The following HIPK3 variants were observed in gnomAD, a reference collection of about 807,000 sequenced individuals.
HIPK3 encodes homeodomain-interacting protein kinase 3.
Under a neutral mutation model 124.2 loss-of-function variants are expected in HIPK3, and 47 were observed. That is an observed-to-expected ratio of 0.38 (90% CI 0.30 to 0.48). HIPK3 has a LOEUF of 0.48. Ranked by LOEUF, HIPK3 falls within the 20% of genes least tolerant of loss-of-function variation. The pLI is 0.98. For missense variants in HIPK3, 1,286 were observed against 1,454.3 expected (o/e 0.88, Z 1.88); for synonymous variants, 482 against 515.2 (o/e 0.94, Z 0.87).
chr11:33,274,319 T>C (rs1851215453), intron 1 of HIPK3, among the ~76,000 whole-genome samples: 1 of 152,168 alleles, frequency 6.6e-6, no homozygotes, highest in Non-Finnish European at 1.5e-5. Flanking sequence ...TTTATCTTTG[T>C]CTGAAAGTTA....
intron 2 of HIPK3, among the ~76,000 whole-genome samples, chr11:33,293,937 C>T (rs1851768370): frequency 6.6e-6 from 1 of 152,056 alleles, no homozygotes; most frequent in Admixed American, 6.6e-5. Flanking sequence ...GAGGCCGAGG[C>T]AGGTGGATCG....
At chr11:33,341,451 G>T (rs1433388484) in intron 7 of HIPK3, 112 bp from the exon 8 acceptor site, 3 of 1,092,926 alleles carry the variant, frequency 2.7e-6, no homozygotes, top group Non-Finnish European at 2.5e-6. Context: ...TCATTTTCTG[G>T]ACACATTTTA....
chr11:33,304,130 G>A (rs1413347837), intron 2 of HIPK3, among the ~76,000 whole-genome samples: 3 of 152,090 alleles, frequency 2.0e-5, no homozygotes, highest in Non-Finnish European at 2.9e-5. Flanking sequence ...TAGTAGAGAC[G>A]GGGTGTCACC....
chr11:33,336,561 G>A (rs1853154992), intron 3 of HIPK3, among the ~76,000 whole-genome samples: 1 of 152,004 alleles, frequency 6.6e-6, no homozygotes, highest in Non-Finnish European at 1.5e-5. Flanking sequence ...TCAATTTCTT[G>A]CTGAAATTTT....
intron 3 of HIPK3, among the ~76,000 whole-genome samples, chr11:33,332,030 A>T (rs1420549114): frequency 6.6e-6 from 1 of 152,196 alleles, no homozygotes; most frequent in Admixed American, 6.5e-5. Flanking sequence ...AAGTGTTGCA[A>T]TAACAGGCAC....
intron 3 of HIPK3, among the ~76,000 whole-genome samples, chr11:33,335,245 C>T (rs897504521): frequency 5.3e-5 from 8 of 151,656 alleles, no homozygotes; most frequent in Non-Finnish European, 7.4e-5. Context: ...AAGATTGAGG[C>T]GCAGATTTAG....
At chr11:33,324,556 C>T (rs549213476) in intron 2 of HIPK3, among the ~76,000 whole-genome samples, 5 of 152,250 alleles carry the variant, frequency 3.3e-5, no homozygotes, top group Admixed American at 2.6e-4. Context: ...CAAGAGAGTC[C>T]CCTGTGTAGA....
chr11:33,294,814 T>C (rs1314503422), intron 2 of HIPK3, among the ~76,000 whole-genome samples: 1 of 152,208 alleles, frequency 6.6e-6, no homozygotes, highest in Non-Finnish European at 1.5e-5. Context: ...TCAATACTGT[T>C]AGCTAATTTA....
At position 33,258,600 on chromosome 11, in the gene HIPK3, C is replaced by T. The variant is rs1164090855; in HGVS notation, c.-3+711C>T. The T allele has an allele frequency of 3.0e-6, 3 of 985,254 alleles. No homozygotes were observed. The African/African-American group carries it at 5.2e-5, about 17-fold the overall frequency. The allele number at this position is 985,254 out of a possible 1,614,324, so 61.0% of individuals were successfully genotyped here. On this transcript the variant is annotated intron_variant, in intron 1 of 16. Coordinates refer to ENST00000303296, the MANE Select transcript of HIPK3 (RefSeq NM_005734.5). The stretch of plus-strand genomic sequence containing the variant: ...CTCTCGTTACGGTGGCTGCCGCCCG[C>T]TTCCCTTCGCCGCACTGGGAGAACT...
intron 6 of HIPK3, among the ~76,000 whole-genome samples, chr11:33,340,185 C>T (rs1333393868): frequency 6.6e-6 from 1 of 152,160 alleles, no homozygotes; most frequent in Non-Finnish European, 1.5e-5. Context: ...GGCTCAAGTG[C>T]TCCTCCCACC....
At chr11:33,341,167 T>A (rs1853322029) in intron 7 of HIPK3, 40 bp downstream of exon 7, 16 of 1,428,854 alleles carry the variant, frequency 1.1e-5, no homozygotes, top group South Asian at 9.5e-5. Flanking sequence ...GGTCTTTTTT[T>A]AATGATTGCG....
intron 15 of HIPK3, 46 bp from the exon 16 acceptor site, chr11:33,352,092 T>G (rs1198639894): frequency 6.4e-7 from 1 of 1,562,166 alleles, no homozygotes; most frequent in Non-Finnish European, 8.7e-7. Context: ...ATTTTTTATT[T>G]GAAAAGGAAA....
chr11:33,257,555 A>G lies in HIPK3; in HGVS notation c.-337A>G. 1.0e-6 allele frequency: 1 copy of G among 985,610 alleles called. No individual in the cohort carries two copies. Among genetic ancestry groups the G allele is most frequent in the African/African-American group, 1.7e-5 (1 of 57,332 alleles). 61.1% of individuals were successfully genotyped at this position (985,610 alleles called of 1,614,324 possible). On this transcript the variant is annotated 5_prime_UTR_variant, in exon 1 of 17. Transcript: ENST00000303296. ...GCACCCTGCGTCGCCCGTAGGCCCC[A>G]GTAGCCGGAGGCCGACCGGCCTCCC...
intron 2 of HIPK3, among the ~76,000 whole-genome samples, chr11:33,328,145 G>A (rs141574020): frequency 6.6e-6 from 1 of 152,152 alleles, no homozygotes; most frequent in East Asian, 1.9e-4. Flanking sequence ...TTTCAGTTCT[G>A]CTGATGTCAT....
chr11:33,268,591 CAAAAAAAAA>C (rs35408664), intron 1 of HIPK3, among the ~76,000 whole-genome samples: 3 of 76,034 alleles, frequency 3.9e-5, no homozygotes, highest in African/African-American at 1.0e-4. Flanking sequence ...ACTCCGTCAC[CAAAAAAAAA>C]AAAAAAAAAA....
At chr11:33,304,413 T>A (rs1384606976) in intron 2 of HIPK3, among the ~76,000 whole-genome samples, 1 of 152,132 alleles carries the variant, frequency 6.6e-6, no homozygotes, top group East Asian at 1.9e-4. Flanking sequence ...CAAAATTAGC[T>A]GGGCTTGGTG....
At chr11:33,270,689 C>G (rs1851101849) in intron 1 of HIPK3, among the ~76,000 whole-genome samples, 1 of 152,060 alleles carries the variant, frequency 6.6e-6, no homozygotes, top group African/African-American at 2.4e-5. Context: ...GGTGTGGTAG[C>G]TCATGCCTAT....
intron 2 of HIPK3, among the ~76,000 whole-genome samples, chr11:33,311,217 T>G (rs1232119867): frequency 6.6e-6 from 1 of 152,172 alleles, no homozygotes; most frequent in African/African-American, 2.4e-5. Flanking sequence ...GATGAAGTCT[T>G]GCTTTATGGC....
chr11:33,264,965 A>C (rs1850915403), intron 1 of HIPK3, among the ~76,000 whole-genome samples: 1 of 152,208 alleles, frequency 6.6e-6, no homozygotes, highest in Admixed American at 6.5e-5. Context: ...TTGGTAAACT[A>C]TACAACTTTA....
Sources: gnomAD v4.1 joint callset for allele counts (sites outside exome capture counted in the v4.1 genomes callset) on GRCh38, gnomAD v4.1.1 for gene constraint, MANE v1.5 for transcripts, NCBI Gene and HGNC (gene_info 2026-07-23, HGNC 2026-07-21) for gene names.